The following CTSC variants were observed in gnomAD, a reference collection of about 807,000 sequenced individuals.
CTSC encodes the protein dipeptidyl peptidase 1.
In CTSC, 37 loss-of-function variants were observed where a neutral mutation model predicts 40.9. The observed-to-expected ratio is 0.91, with a 90% confidence interval of 0.70 to 1.19. The LOEUF (loss-of-function observed/expected upper bound fraction) is 1.19, where lower values mean the gene tolerates loss of function less well. CTSC is among the 50% of genes most tolerant of loss of function. The probability of loss-of-function intolerance (pLI) is 0.00; values close to 1 mark genes in which losing one functional copy is unlikely to be tolerated. For synonymous variants in CTSC, 232 were observed against 207.4 expected (o/e 1.12, Z -1.02); for missense variants, 594 against 567.3 (o/e 1.05, Z -0.48).
At chr11:88,321,017 G>A in intron 2 of CTSC, 1 of 985,218 alleles carries the variant, frequency 1.0e-6, no homozygotes, top group South Asian at 4.7e-5. Flanking sequence ...TCTGACACAT[G>A]TATCTGCAAT....
In CTSC at chr11:88,294,104, C is replaced by CGGTGCCCCAGCT; in HGVS notation, c.1282_1293dup (p.Ser428_Thr431dup). On this transcript the variant is annotated inframe_insertion, in exon 7 of 7. Coordinates refer to ENST00000227266, the MANE Select transcript of CTSC (RefSeq NM_001814.6). The stretch of plus-strand genomic sequence containing the variant: ...CGGAAGTAGCCATTCTCACCCCAGC[C>CGGTGCCCCAGCT]GGTGCCCCAGCTGTTTTTAACAATC... 1 of 1,613,958 alleles carries CGGTGCCCCAGCT rather than the reference C, an allele frequency of 6.2e-7. No homozygotes were observed.
At chr11:88,317,072 T>G (rs1937896866) in intron 2 of CTSC, among the ~76,000 whole-genome samples, 1 of 152,176 alleles carries the variant, frequency 6.6e-6, no homozygotes, top group African/African-American at 2.4e-5. Context: ...GTTCAAGCAA[T>G]TCTCCTGCCT....
chr11:88,300,898 A>C (rs557666151), intron 4 of CTSC, among the ~76,000 whole-genome samples: 1 of 152,200 alleles, frequency 6.6e-6, no homozygotes, highest in African/African-American at 2.4e-5. Context: ...CTGGTTTTGT[A>C]TATCACTGTG....
intron 6 of CTSC, among the ~76,000 whole-genome samples, chr11:88,294,884 A>AT (rs1222676258): frequency 3.2e-4 from 48 of 152,350 alleles, no homozygotes; most frequent in Admixed American, 1.8e-3. Context: ...TAGTTACTTC[A>AT]TGTAAAAATA....
At chr11:88,306,242 C>T (rs1377268131) in intron 4 of CTSC, among the ~76,000 whole-genome samples, 1 of 152,150 alleles carries the variant, frequency 6.6e-6, no homozygotes, top group East Asian at 1.9e-4. Context: ...AAAAATGCCA[C>T]ACCTTAGCAT....
In CTSC at chr11:88,294,527, CA is replaced by C. The variant is rs1228659387; in HGVS notation, c.890-20del. 6.2e-7 allele frequency: 1 copy of C among 1,613,784 alleles called. No homozygotes were observed. The highest frequency in any genetic ancestry group is 2.2e-5 in the East Asian group (1 of 44,886). On this transcript the variant is annotated intron_variant, in intron 6 of 6. Transcript: ENST00000227266. ...TCACAGCCTGAAGATGAATAACACA[CA>C]TGGTTACCCCTTAGTAGAAAAAGGA...
At chr11:88,294,795 A>C (rs1471151696) in intron 6 of CTSC, among the ~76,000 whole-genome samples, 2 of 152,248 alleles carry the variant, frequency 1.3e-5, no homozygotes, top group Non-Finnish European at 2.9e-5. Context: ...AGCCGTGTGA[A>C]GAGTTTAACT....
chr11:88,307,442 A>G (rs1937659300), intron 4 of CTSC, among the ~76,000 whole-genome samples: 2 of 152,136 alleles, frequency 1.3e-5, no homozygotes, highest in Admixed American at 6.6e-5. Context: ...TTCTGACTAG[A>G]CAGATTCAAA....
At chr11:88,333,082 T>G (rs1938405345) in intron 2 of CTSC, among the ~76,000 whole-genome samples, 1 of 152,242 alleles carries the variant, frequency 6.6e-6, no homozygotes, top group Non-Finnish European at 1.5e-5. Context: ...TAATTCCCTC[T>G]GTCCCTACCA....
chr11:88,309,092 G>T, intron 4 of CTSC, 71 bp downstream of exon 4: 1 of 1,381,306 alleles, frequency 7.2e-7, no homozygotes, highest in African/African-American at 1.4e-5. Flanking sequence ...AACACTGGTA[G>T]GACTGCTTAG....
chr11:88,316,786 C>T (rs928828638), intron 2 of CTSC, among the ~76,000 whole-genome samples: 1 of 152,158 alleles, frequency 6.6e-6, no homozygotes, highest in Non-Finnish European at 1.5e-5. Context: ...TTATAATTAA[C>T]AGAGGTGTGG....
At chr11:88,312,699 GA>G in intron 2 of CTSC, 145 bp from the exon 3 acceptor site, 1 of 913,150 alleles carries the variant, frequency 1.1e-6, no homozygotes, top group Non-Finnish European at 1.7e-6. Context: ...AATTATTCTA[GA>G]AAAAGAAGAC....
At chr11:88,295,387 T>A (rs1944287012) in intron 6 of CTSC, among the ~76,000 whole-genome samples, 3 of 152,082 alleles carry the variant, frequency 2.0e-5, no homozygotes, top group Admixed American at 2.0e-4. Context: ...GTACAGATTT[T>A]TTTTTTTTCA....
intron 2 of CTSC, among the ~76,000 whole-genome samples, chr11:88,317,914 T>C (rs563208709): frequency 6.6e-6 from 1 of 152,370 alleles, no homozygotes; most frequent in South Asian, 2.1e-4. Context: ...ATTCAATAAC[T>C]ATCCATTTGC....
intron 2 of CTSC, chr11:88,322,810 A>C (rs1233939591): frequency 6.6e-6 from 1 of 152,182 alleles, no homozygotes; most frequent in African/African-American, 2.4e-5. Flanking sequence ...CCAGGACCAG[A>C]TGGATTTACA....
intron 2 of CTSC, among the ~76,000 whole-genome samples, chr11:88,326,860 C>T (rs541966709): frequency 7.9e-5 from 12 of 152,266 alleles, no homozygotes; most frequent in East Asian, 1.9e-4. Flanking sequence ...CAACAAATTA[C>T]CAGGGTTTAT....
Position 88,301,377 on chromosome 11 carries a change from G to A in CTSC, c.642-732C>T, listed in dbSNP as rs72964958. On this transcript the variant is annotated intron_variant, in intron 4 of 6. Coordinates refer to ENST00000227266, the MANE Select transcript of CTSC (RefSeq NM_001814.6). ...AAGGCATACACCAGGTAACCAATGGGAAACCTCTAGACGGTATTGAAACCC... is the reference window on the plus strand; with the variant it reads ...AAGGCATACACCAGGTAACCAATGGAAAACCTCTAGACGGTATTGAAACCC... 6.7e-3 allele frequency among the ~76,000 whole-genome samples: 1,017 copies of A among 152,248 alleles called. 3 individuals are homozygous for A. The highest frequency in any genetic ancestry group is 0.012 in the Non-Finnish European group (784 of 68,010).
chr11:88,333,702 A>C (rs1212536450), intron 2 of CTSC, among the ~76,000 whole-genome samples: 2 of 82,594 alleles, frequency 2.4e-5, no homozygotes, highest in East Asian at 9.8e-4. Context: ...TGTTTTTTAC[A>C]AAAAAAATGC....
rs587777534 is a variant in CTSC at position 88,296,207 on chromosome 11, C to T, written c.815G>A (p.Arg272His). The T allele has an allele frequency of 1.1e-5, 17 of 1,613,938 alleles. No individual in the cohort carries two copies. The highest frequency in any genetic ancestry group is 1.4e-5 in the Non-Finnish European group (16 of 1,179,898). ...GGTCTGAGAATTGTTGGTTAGTATA[C>T]GGATTCTCGCTTCTAGCATACCCAT... ...ASMGMLEARIRILTNNSQTPI... is the reference protein window; with the variant it reads ...ASMGMLEARIHILTNNSQTPI... Residue 272 changes from arginine (R) to histidine (H), a missense_variant, in exon 6 of 7, where the codon CGT becomes CAT. Coordinates refer to ENST00000227266, the MANE Select transcript of CTSC (RefSeq NM_001814.6).
Sources: allele counts gnomAD v4.1 joint callset (sites outside exome capture counted in the v4.1 genomes callset), GRCh38; gene constraint gnomAD v4.1.1; transcripts MANE v1.5; gene names NCBI Gene and HGNC (gene_info 2026-07-23, HGNC 2026-07-21).